CNTNAP2: variants seen among roughly 807,000 people sequenced by gnomAD.
CNTNAP2 encodes contactin associated protein 2.
In CNTNAP2, 98 loss-of-function variants were observed where a neutral mutation model predicts 155.2. The ratio of observed to expected loss-of-function variants is 0.63; its 90% confidence interval spans 0.54 to 0.75. The LOEUF (loss-of-function observed/expected upper bound fraction) is 0.75, where lower values mean the gene tolerates loss of function less well. CNTNAP2 is among the 30% of genes least tolerant of loss of function. CNTNAP2 has a pLI of 0.00. For synonymous variants in CNTNAP2, 651 were observed against 631.2 expected (o/e 1.03, Z -0.47); for missense variants, 1,727 against 1,688.1 (o/e 1.02, Z -0.40).
intron 1 of CNTNAP2, among the ~76,000 whole-genome samples, chr7:146,319,990 C>A (rs891083565): frequency 2.7e-5 from 4 of 148,348 alleles, no homozygotes; most frequent in Non-Finnish European, 4.4e-5. Context: ...AATAATGTAA[C>A]TGTCGCCCCC....
At chr7:146,972,546 A>G (rs1797824081) in intron 3 of CNTNAP2, among the ~76,000 whole-genome samples, 1 of 152,214 alleles carries the variant, frequency 6.6e-6, no homozygotes, top group South Asian at 2.1e-4. Context: ...AGCAGGTAAT[A>G]TAATTTAAAA....
chr7:147,626,594 C>A (rs1044339163), intron 12 of CNTNAP2, among the ~76,000 whole-genome samples: 46 of 152,238 alleles, frequency 3.0e-4, no homozygotes, highest in Middle Eastern at 3.4e-3. Flanking sequence ...TGGCCCTGCC[C>A]ATCACCTGAG....
At chr7:147,139,643 T>C (rs1801556407) in intron 8 of CNTNAP2, among the ~76,000 whole-genome samples, 1 of 152,082 alleles carries the variant, frequency 6.6e-6, no homozygotes, top group South Asian at 2.1e-4. Flanking sequence ...GGGAAGAATG[T>C]AGGCTCATTA....
intron 20 of CNTNAP2, among the ~76,000 whole-genome samples, chr7:148,261,775 A>G (rs4501499): frequency 0.63 from 95,797 of 151,970 alleles, 30,541 homozygotes; most frequent in South Asian, 0.79. Flanking sequence ...CTGAGACGCT[A>G]GGGTCACAGA....
chr7:146,517,819 T>A (rs1304535503), intron 1 of CNTNAP2, among the ~76,000 whole-genome samples: 2 of 151,758 alleles, frequency 1.3e-5, no homozygotes, highest in Non-Finnish European at 2.9e-5. Context: ...CTGGCCTGAG[T>A]TAGGATATTT....
chr7:147,377,684 G>A (rs2116925809), intron 9 of CNTNAP2, among the ~76,000 whole-genome samples: 1 of 151,638 alleles, frequency 6.6e-6, no homozygotes, highest in South Asian at 2.1e-4. Context: ...TATTTAGCTT[G>A]GTATACAAGT....
intron 15 of CNTNAP2, among the ~76,000 whole-genome samples, chr7:148,001,021 T>A (rs377535832): frequency 8.5e-5 from 13 of 152,330 alleles, no homozygotes; most frequent in East Asian, 1.9e-4. Flanking sequence ...TGTGTTCAAG[T>A]GTCCTTTCTG....
intron 2 of CNTNAP2, among the ~76,000 whole-genome samples, chr7:146,819,341 T>C (rs1219508758): frequency 6.6e-6 from 1 of 152,132 alleles, no homozygotes; most frequent in Non-Finnish European, 1.5e-5. Context: ...GACATTATTC[T>C]ATTTTTACTT....
At chr7:147,279,198 TAATA>T (rs1423352885) in intron 8 of CNTNAP2, among the ~76,000 whole-genome samples, 2 of 151,630 alleles carry the variant, frequency 1.3e-5, no homozygotes, top group Admixed American at 1.3e-4. Flanking sequence ...TTTCTGCATA[TAATA>T]AATATTTTTA....
At chr7:148,071,083 G>A (rs1449184712) in intron 15 of CNTNAP2, among the ~76,000 whole-genome samples, 1 of 151,656 alleles carries the variant, frequency 6.6e-6, no homozygotes, top group East Asian at 1.9e-4. Flanking sequence ...AGTTTCTCAG[G>A]GCTCAAATGT....
chr7:147,814,996 C>G (rs759981516), intron 13 of CNTNAP2, among the ~76,000 whole-genome samples: 1 of 151,994 alleles, frequency 6.6e-6, no homozygotes, highest in Non-Finnish European at 1.5e-5. Context: ...GTTTTAGGGA[C>G]AAGGTTAGAA....
intron 8 of CNTNAP2, among the ~76,000 whole-genome samples, chr7:147,224,351 T>G (rs1054104246): frequency 2.0e-5 from 3 of 152,196 alleles, no homozygotes; most frequent in African/African-American, 7.2e-5. Context: ...TTCTGACATA[T>G]GAAAGCTACA....
intron 18 of CNTNAP2, among the ~76,000 whole-genome samples, chr7:148,191,072 G>T (rs1287065914): frequency 6.6e-6 from 1 of 152,182 alleles, no homozygotes; most frequent in African/African-American, 2.4e-5. Flanking sequence ...GCTAAGGATT[G>T]AATGTGTCCC....
chr7:148,100,165 C>T (rs1269931297), intron 15 of CNTNAP2, among the ~76,000 whole-genome samples: 2 of 152,110 alleles, frequency 1.3e-5, no homozygotes, highest in East Asian at 1.9e-4. Context: ...ACACCGCGCC[C>T]GGCCACGCTC....
intron 1 of CNTNAP2, among the ~76,000 whole-genome samples, chr7:146,560,698 CG>C (rs1798267744): frequency 6.6e-6 from 1 of 152,056 alleles, no homozygotes; most frequent in Non-Finnish European, 1.5e-5. Context: ...TATAGAGTGA[CG>C]TTTGACATCT....
At chr7:146,261,516 A>G (rs923512514) in intron 1 of CNTNAP2, among the ~76,000 whole-genome samples, 3 of 151,958 alleles carry the variant, frequency 2.0e-5, no homozygotes, top group African/African-American at 7.2e-5. Context: ...CCAAAAAATC[A>G]CACAATTATG....
At chr7:146,611,734 A>G (rs922141457) in intron 1 of CNTNAP2, among the ~76,000 whole-genome samples, 1 of 152,210 alleles carries the variant, frequency 6.6e-6, no homozygotes, top group African/African-American at 2.4e-5. Context: ...TATAATTTAA[A>G]TTACATATTT....
In CNTNAP2 at chr7:147,568,549, T is replaced by C. The variant is rs112936496; in HGVS notation, c.1897+6292T>C. 2.2e-3 allele frequency among the ~76,000 whole-genome samples: 336 copies of C among 152,318 alleles called. 1 individual carries two copies. The highest frequency in any genetic ancestry group is 8.0e-3 in the African/African-American group (331 of 41,570). ...GTGAAAGCCAAAGCCTGGTTTCTTTTTTTAGATCTTAGGGTACATGATAAA... is the reference window on the plus strand; with the variant it reads ...GTGAAAGCCAAAGCCTGGTTTCTTTCTTTAGATCTTAGGGTACATGATAAA... On this transcript the variant is annotated intron_variant, in intron 12 of 23. Coordinates refer to ENST00000361727, the MANE Select transcript of CNTNAP2 (RefSeq NM_014141.6).
At chr7:148,405,535 C>A (rs934666260) in intron 22 of CNTNAP2, among the ~76,000 whole-genome samples, 7 of 121,062 alleles carry the variant, frequency 5.8e-5, no homozygotes, top group African/African-American at 1.9e-4. Context: ...TCAAGCGGTT[C>A]AAGCAATTCT....
Sources: gnomAD v4.1 joint callset for allele counts (sites outside exome capture counted in the v4.1 genomes callset) on GRCh38, gnomAD v4.1.1 for gene constraint, MANE v1.5 for transcripts, NCBI Gene and HGNC (gene_info 2026-07-23, HGNC 2026-07-21) for gene names.